The following STK10 variants were observed in gnomAD, a reference collection of about 807,000 sequenced individuals.
The protein encoded by STK10 is serine/threonine-protein kinase 10.
A neutral mutation model predicts 113.8 loss-of-function variants in STK10; 78 were observed. The ratio of observed to expected loss-of-function variants is 0.69; its 90% CI spans 0.57 to 0.83. The LOEUF is 0.83. Among genes scored for constraint, STK10 ranks in the 40% least tolerant of loss-of-function variants. The pLI is 0.00. For missense variants in STK10, 1,109 were observed against 1,280.1 expected, an observed-to-expected ratio of 0.87 and a Z score of 2.04; for synonymous variants, 465 against 494.7, an observed-to-expected ratio of 0.94 and a Z score of 0.80.
intron 3 of STK10, among the ~76,000 whole-genome samples, chr5:172,121,675 A>AC (rs759621757): frequency 6.6e-6 from 1 of 151,952 alleles, no homozygotes; most frequent in Non-Finnish European, 1.5e-5. Context: ...GTGTGGTTGC[A>AC]CTCCAGCCTG....
At chr5:172,129,208 G>A (rs1769694467) in intron 2 of STK10, among the ~76,000 whole-genome samples, 1 of 151,900 alleles carries the variant, frequency 6.6e-6, no homozygotes, top group African/African-American at 2.4e-5. Flanking sequence ...GATAAAACAG[G>A]GGACTTTAAC....
At chr5:172,051,251 T>C (rs1371608096) in intron 18 of STK10, among the ~76,000 whole-genome samples, 1 of 152,126 alleles carries the variant, frequency 6.6e-6, no homozygotes, top group African/African-American at 2.4e-5. Flanking sequence ...AAAAAAATTA[T>C]ATCTCCACCA....
At chr5:172,084,478 T>G (rs892750730) in intron 10 of STK10, among the ~76,000 whole-genome samples, 3 of 151,840 alleles carry the variant, frequency 2.0e-5, no homozygotes, top group African/African-American at 7.3e-5. Flanking sequence ...AAGCAAGATA[T>G]TAAAGAATAG....
At chr5:172,186,958 G>GA (rs1770963359) in intron 1 of STK10, among the ~76,000 whole-genome samples, 1 of 152,116 alleles carries the variant, frequency 6.6e-6, no homozygotes, top group Non-Finnish European at 1.5e-5. Context: ...CAAGGAGGAG[G>GA]ATAGTGGCTT....
Position 172,155,468 on chromosome 5 carries a change from A to G in STK10, c.321+1156T>C, listed in dbSNP as rs1581182281. Among the ~76,000 whole-genome samples, 3 of 151,324 alleles carry G rather than the reference A, an allele frequency of 2.0e-5. No homozygotes were observed. The East Asian group carries it at 5.8e-4, about 29-fold the overall frequency. On this transcript the variant is annotated intron_variant, in intron 2 of 18. Transcript: ENST00000176763. ...AGCCGAGATCGTGCCACTGCACTCCAGCCTGGAAAACAGAGTGAGACTCCA... is the reference window on the plus strand; with the variant it reads ...AGCCGAGATCGTGCCACTGCACTCCGGCCTGGAAAACAGAGTGAGACTCCA...
rs1293744729 is a variant in STK10 at position 172,082,388 on chromosome 5, G to A, written c.1927C>T (p.Arg643Cys). Residue 643 changes from arginine (R) to cysteine (C), a missense_variant, in exon 12 of 19, where the codon CGC becomes TGC. By Grantham distance (180) the Arg-to-Cys change is radical (BLOSUM62 -3). Around this residue, in one of 5 missense-constraint regions of STK10, gnomAD observed 885 missense variants for 991.1 expected, o/e 0.89. Coordinates refer to ENST00000176763, the MANE Select transcript of STK10 (RefSeq NM_005990.4). The surrounding 1 kb of genome is among the most constrained non-coding windows in gnomAD (Gnocchi z 4.3). Reference sequence around the variant, plus strand: ...GTGTAGTCCCGATCCTGCTCCAGGCGGATCCGCCTGGCCTCCTCCCGGCGG... The same window carrying A: ...GTGTAGTCCCGATCCTGCTCCAGGCAGATCCGCCTGGCCTCCTCCCGGCGG... ...VRRREEARRI[R>C]LEQDRDYTRF... 4 of 1,607,194 alleles carry A rather than the reference G, an allele frequency of 2.5e-6. No individual in the cohort carries two copies. Among genetic ancestry groups the A allele is most frequent in the South Asian group, 1.1e-5 (1 of 90,192 alleles).
At chr5:172,146,118 C>T (rs1264737104) in intron 2 of STK10, among the ~76,000 whole-genome samples, 1 of 152,216 alleles carries the variant, frequency 6.6e-6, no homozygotes, top group Non-Finnish European at 1.5e-5. Flanking sequence ...CTGTTGTCTG[C>T]CTCCCCCTCC....
intron 18 of STK10, 83 bp downstream of exon 18, chr5:172,052,846 A>T: frequency 7.7e-7 from 1 of 1,305,568 alleles, no homozygotes; most frequent in East Asian, 2.3e-5. Flanking sequence ...CAAAATAAGG[A>T]GACCTAACAT....
At chr5:172,168,552 G>A (rs1221054252) in intron 1 of STK10, among the ~76,000 whole-genome samples, 1 of 152,174 alleles carries the variant, frequency 6.6e-6, no homozygotes, top group Non-Finnish European at 1.5e-5. Context: ...GGTCCTTGCG[G>A]GCTCAGGATG....
intron 3 of STK10, 139 bp from the exon 4 acceptor site, chr5:172,117,769 C>T: frequency 8.3e-7 from 1 of 1,201,510 alleles, no homozygotes; most frequent in Non-Finnish European, 1.1e-6. Context: ...AATCCCAGCA[C>T]TTTGAGAGGC....
chr5:172,186,961 A>G (rs1424409724), intron 1 of STK10, among the ~76,000 whole-genome samples: 1 of 152,108 alleles, frequency 6.6e-6, no homozygotes, highest in Non-Finnish European at 1.5e-5. Flanking sequence ...GGAGGAGGAT[A>G]GTGGCTTAGA....
At chr5:172,119,947 T>C (rs1464367479) in intron 3 of STK10, among the ~76,000 whole-genome samples, 1 of 152,104 alleles carries the variant, frequency 6.6e-6, no homozygotes, top group African/African-American at 2.4e-5. Context: ...GGGCAGGGGC[T>C]CAGCTGGAGG....
At chr5:172,177,895 T>C (rs915752597) in intron 1 of STK10, among the ~76,000 whole-genome samples, 1 of 152,184 alleles carries the variant, frequency 6.6e-6, no homozygotes, top group Non-Finnish European at 1.5e-5. Flanking sequence ...TGGCGCTTTC[T>C]CAGCTCACTG....
chr5:172,141,026 C>T (rs1183072708), intron 2 of STK10, among the ~76,000 whole-genome samples: 4 of 152,144 alleles, frequency 2.6e-5, no homozygotes, highest in Non-Finnish European at 4.4e-5. Context: ...AAGGCAAGTA[C>T]TGCAGATTCC....
intron 1 of STK10, among the ~76,000 whole-genome samples, chr5:172,165,290 A>ACT (rs1770548554): frequency 1.3e-5 from 2 of 151,874 alleles, no homozygotes; most frequent in Non-Finnish European, 2.9e-5. Context: ...CAGCTCCCCA[A>ACT]CCCAACTCTG....
At chr5:172,087,256 CTTATTTATTTAT>C (rs59070930) in intron 10 of STK10, among the ~76,000 whole-genome samples, 421 of 150,238 alleles carry the variant, frequency 2.8e-3, no homozygotes, top group Admixed American at 5.9e-3. Flanking sequence ...TTGGTTTTGG[CTTATTTATTTAT>C]TTATTTATTT....
chr5:172,153,755 A>T (rs1447993039), intron 2 of STK10, among the ~76,000 whole-genome samples: 1 of 152,262 alleles, frequency 6.6e-6, no homozygotes, highest in Non-Finnish European at 1.5e-5. Context: ...AGAAGGAAAT[A>T]TCAAAGGGTT....
intron 13 of STK10, chr5:172,063,637 C>T (rs544076336): frequency 6.6e-6 from 1 of 151,644 alleles, no homozygotes; most frequent in Non-Finnish European, 1.5e-5. Context: ...ACCAGTCCTG[C>T]GTTCTCTTCC....
chr5:172,146,371 C>T (rs1036045329), intron 2 of STK10, among the ~76,000 whole-genome samples: 27 of 152,284 alleles, frequency 1.8e-4, no homozygotes, highest in African/African-American at 6.3e-4. Flanking sequence ...ACAGAGGCCA[C>T]GATAGCTGCA....
Sources: gnomAD v4.1 joint callset for allele counts (sites outside exome capture counted in the v4.1 genomes callset) on GRCh38, gnomAD v4.1.1 for gene constraint, gnomAD v4.1.1 regional missense constraint, Gnocchi (gnomAD v3.1) non-coding constraint, MANE v1.5 for transcripts, NCBI Gene and HGNC (gene_info 2026-07-23, HGNC 2026-07-21) for gene names.